Variants in KIF26B observed in about 807,000 individuals in gnomAD.
KIF26B encodes kinesin-like protein KIF26B.
In KIF26B, 63 loss-of-function variants were observed where a neutral mutation model predicts 151.2. That is an observed-to-expected ratio of 0.42 (90% CI 0.34 to 0.51). The LOEUF (loss-of-function observed/expected upper bound fraction) is 0.51. KIF26B is among the 20% of genes least tolerant of loss of function. The pLI, the probability that KIF26B is intolerant of heterozygous loss-of-function variation, is 0.07. For synonymous variants in KIF26B, 1,357 were observed against 1,262.1 expected (o/e 1.08, Z -1.59); for missense variants, 2,813 against 2,913.6 (o/e 0.97, Z 0.79).
chr1:245,591,396 C>T (rs991541146), intron 5 of KIF26B, among the ~76,000 whole-genome samples: 6 of 152,160 alleles, frequency 3.9e-5, no homozygotes, highest in Non-Finnish European at 8.8e-5. Context: ...TGGGCATTTG[C>T]TCTTTTAATG....
chr1:245,520,587 TCCATCCATCCATCCACCCAC>T (rs1484248156), intron 4 of KIF26B, among the ~76,000 whole-genome samples: 9 of 80,500 alleles, frequency 1.1e-4, no homozygotes, highest in South Asian at 1.3e-3. Context: ...CATCCATCCA[TCCATCCATCCATCCACCCAC>T]CCACCCATCC....
intron 2 of KIF26B, among the ~76,000 whole-genome samples, chr1:245,250,051 A>G (rs1386748861): frequency 6.6e-6 from 1 of 152,216 alleles, no homozygotes; most frequent in African/African-American, 2.4e-5. Flanking sequence ...ATAATATAAC[A>G]TGATCCGTGT....
chr1:245,556,146 C>G (rs566048936), intron 5 of KIF26B, among the ~76,000 whole-genome samples: 1 of 152,220 alleles, frequency 6.6e-6, no homozygotes, highest in Non-Finnish European at 1.5e-5. Context: ...ATGCTATGAC[C>G]TGCTTCCTCT....
At chr1:245,464,719 GGT>G (rs1298307100) in intron 4 of KIF26B, among the ~76,000 whole-genome samples, 1 of 151,952 alleles carries the variant, frequency 6.6e-6, no homozygotes, top group African/African-American at 2.4e-5. Flanking sequence ...TCTGGCACAC[GGT>G]GTTTTTGACT....
At chr1:245,394,651 A>G (rs894117959) in intron 3 of KIF26B, among the ~76,000 whole-genome samples, 1 of 151,470 alleles carries the variant, frequency 6.6e-6, no homozygotes, top group Non-Finnish European at 1.5e-5. Flanking sequence ...ATATAAAAAT[A>G]TAAAGCATTA....
intron 2 of KIF26B, among the ~76,000 whole-genome samples, chr1:245,180,655 C>T (rs946272967): frequency 4.0e-5 from 6 of 151,444 alleles, no homozygotes; most frequent in East Asian, 1.9e-4. Flanking sequence ...TCATGTGGTC[C>T]GGAGTACTGT....
intron 4 of KIF26B, among the ~76,000 whole-genome samples, chr1:245,521,932 C>CCG (rs1558198156): frequency 6.6e-6 from 1 of 150,464 alleles, no homozygotes; most frequent in Non-Finnish European, 1.5e-5. Flanking sequence ...TGCAGTGGTG[C>CCG]GATCTCGGCT....
chr1:245,349,926 T>TA (rs1411365267), intron 2 of KIF26B, among the ~76,000 whole-genome samples: 1 of 152,186 alleles, frequency 6.6e-6, no homozygotes, highest in Non-Finnish European at 1.5e-5. Flanking sequence ...GAATTGCACC[T>TA]AAAACCCATT....
chr1:245,431,900 GC>G lies in KIF26B; in HGVS notation c.1166+12158del, dbSNP rs569376083. ...GCTCTGTGCACACCATCTGTCCCCTGCCCTCTTCCTCTGCCATGTTCCCACT... is the reference window on the plus strand; with the variant it reads ...GCTCTGTGCACACCATCTGTCCCCTGCCTCTTCCTCTGCCATGTTCCCACT... On this transcript the variant is annotated intron_variant, in intron 4 of 14. Coordinates refer to ENST00000407071, the MANE Select transcript of KIF26B (RefSeq NM_018012.4). Among the ~76,000 whole-genome samples the G allele has an allele frequency of 1.7e-3, 253 of 152,238 alleles. 3 individuals are homozygous for G. Among genetic ancestry groups the G allele is most frequent in the African/African-American group, 5.9e-3 (246 of 41,528 alleles).
rs146170265 is a variant in KIF26B, at chr1:245,177,272, C to T, written c.465+20589C>T. On this transcript the variant is annotated intron_variant, in intron 2 of 14. Transcript: ENST00000407071. ...GGCCCATGAGTCACTGCACCTGTCC[C>T]ATTCCCCCTGCCTTTATTGATTCCT... 1.5e-4 allele frequency among the ~76,000 whole-genome samples: 23 copies of T among 152,328 alleles called. No individual in the cohort carries two copies. The East Asian group carries it at 4.0e-3, about 27-fold the overall frequency.
At position 245,705,921 on chromosome 1, in the gene KIF26B, C is replaced by T. The variant is rs781160048; in HGVS notation, c.*3315C>T. 3.3e-5 allele frequency: 5 copies of T among 152,244 alleles called. No individual in the cohort carries two copies. Among genetic ancestry groups the T allele is most frequent in the Non-Finnish European group, 7.3e-5 (5 of 68,052 alleles). 9.4% of individuals were successfully genotyped at this position (152,244 alleles called of 1,614,324 possible). A position where few individuals can be genotyped will look rare whatever the true frequency, so the allele number is the denominator to read the frequency against. ...CTCTTCCGGATTTGGAATCAGAACACTCTGCCCGTTGTTTATTCGCCAGTT... is the reference window on the plus strand; with the variant it reads ...CTCTTCCGGATTTGGAATCAGAACATTCTGCCCGTTGTTTATTCGCCAGTT... On this transcript the variant is annotated 3_prime_UTR_variant, in exon 15 of 15. Coordinates refer to ENST00000407071, the MANE Select transcript of KIF26B (RefSeq NM_018012.4).
chr1:245,290,925 TG>T (rs1671244680), intron 2 of KIF26B, among the ~76,000 whole-genome samples: 3 of 152,378 alleles, frequency 2.0e-5, no homozygotes, highest in African/African-American at 7.2e-5. Flanking sequence ...TGGTCAGTGC[TG>T]GTTTCAGCTG....
intron 5 of KIF26B, among the ~76,000 whole-genome samples, chr1:245,541,862 T>C (rs6702648): frequency 0.39 from 58,798 of 151,804 alleles, 11,631 homozygotes; most frequent in South Asian, 0.51. Context: ...CCAAACACGG[T>C]CATGGCTGGG....
At chr1:245,431,328 G>A (rs1018876976) in intron 4 of KIF26B, among the ~76,000 whole-genome samples, 8 of 149,346 alleles carry the variant, frequency 5.4e-5, no homozygotes, top group South Asian at 2.1e-4. Context: ...GCAGGCGCCC[G>A]CCACCATGCC....
chr1:245,377,688 T>C (rs1673309439), intron 3 of KIF26B, among the ~76,000 whole-genome samples: 1 of 152,190 alleles, frequency 6.6e-6, no homozygotes. Context: ...AAAAGTGAAG[T>C]TGCAGAGGTA....
chr1:245,526,612 C>G (rs1389305680), intron 4 of KIF26B, among the ~76,000 whole-genome samples: 29 of 152,200 alleles, frequency 1.9e-4, no homozygotes. Flanking sequence ...ATTTAATTAA[C>G]CAAGACGCCC....
intron 10 of KIF26B, among the ~76,000 whole-genome samples, chr1:245,678,305 G>A (rs2044380682): frequency 6.6e-6 from 1 of 151,946 alleles, no homozygotes; most frequent in African/African-American, 2.4e-5. Flanking sequence ...AGCTCTTGGA[G>A]CTGGCTTGAT....
chr1:245,184,050 G>GTTTTTTGTTTTTTGTTTTTTTTT (rs1553332272), intron 2 of KIF26B, among the ~76,000 whole-genome samples: 12 of 19,810 alleles, frequency 6.1e-4, no homozygotes, highest in South Asian at 5.7e-3. Flanking sequence ...GGGAGTTGTT[G>GTTTTTTGTTTTTTGTTTTTTTTT]TTTTTTTTTT....
At chr1:245,336,730 C>T (rs539969148) in intron 2 of KIF26B, among the ~76,000 whole-genome samples, 10 of 152,312 alleles carry the variant, frequency 6.6e-5, no homozygotes, top group African/African-American at 2.4e-4. Context: ...CTGAATACAT[C>T]TGATACCCTA....
Sources: gnomAD v4.1 joint callset for allele counts (sites outside exome capture counted in the v4.1 genomes callset) on GRCh38, gnomAD v4.1.1 for gene constraint, MANE v1.5 for transcripts, NCBI Gene and HGNC (gene_info 2026-07-23, HGNC 2026-07-21) for gene names.